CPVL: variants seen among roughly 807,000 people sequenced by gnomAD.
CPVL encodes the protein carboxypeptidase vitellogenic like.
CPVL carries 51 observed loss-of-function variants against 63.7 expected under a neutral mutation model. That is an observed-to-expected ratio of 0.80 (90% confidence interval 0.64 to 1.01). The LOEUF (loss-of-function observed/expected upper bound fraction) is 1.01, where lower values mean the gene tolerates loss of function less well. Among genes scored for constraint, CPVL ranks in the 50% least tolerant of loss-of-function variants. The pLI, the probability that CPVL is intolerant of heterozygous loss-of-function variation, is 0.00. For synonymous variants in CPVL, 195 were observed against 206.0 expected (o/e 0.95, Z 0.46); for missense variants, 530 against 573.1 (o/e 0.92, Z 0.77).
chr7:29,031,345 T>C (rs140236984), intron 11 of CPVL, among the ~76,000 whole-genome samples: 5 of 152,350 alleles, frequency 3.3e-5, no homozygotes, highest in East Asian at 1.9e-4. Context: ...AAAAATATGA[T>C]AGCTGCTTGT....
Position 28,995,810 on chromosome 7 carries a change from A to G in CPVL, c.1393T>C (p.Phe465Leu), listed in dbSNP as rs1258466720. ...PLRAFDMINRFIYGKGWDPYV... is the reference protein window; with the variant it reads ...PLRAFDMINRLIYGKGWDPYV... ...GGATCCCATCCTTTTCCATAAATGAATCGATTAATCATGTCAAAAGCTCTC... is the reference window on the plus strand; with the variant it reads ...GGATCCCATCCTTTTCCATAAATGAGTCGATTAATCATGTCAAAAGCTCTC... The change falls in exon 13 of 13, where the codon TTC becomes CTC. Residue 465 changes from phenylalanine to leucine, a missense_variant. Physicochemically the swap from Phe to Leu is conservative, Grantham distance 22. Coordinates refer to ENST00000265394, the MANE Select transcript of CPVL (RefSeq NM_031311.5). 7.5e-6 allele frequency: 12 copies of G among 1,608,010 alleles called. No individual in the cohort carries two copies. The highest frequency in any genetic ancestry group is 3.4e-4 in the Middle Eastern group (2 of 5,856).
intron 11 of CPVL, among the ~76,000 whole-genome samples, chr7:29,056,242 T>G (rs1448215243): frequency 6.6e-6 from 1 of 152,236 alleles, no homozygotes; most frequent in African/African-American, 2.4e-5. Context: ...GTTGGTGTTA[T>G]GCGGTCCATG....
intron 12 of CPVL, among the ~76,000 whole-genome samples, chr7:29,000,668 C>T (rs79624150): frequency 0.048 from 7,322 of 152,162 alleles, 424 homozygotes; most frequent in East Asian, 0.25. Flanking sequence ...GATGAGTGGA[C>T]CTTATCCTAT....
At chr7:29,048,599 C>T (rs1223574216) in intron 11 of CPVL, among the ~76,000 whole-genome samples, 3 of 152,110 alleles carry the variant, frequency 2.0e-5, no homozygotes, top group African/African-American at 7.2e-5. Context: ...GATTTCAATA[C>T]TCCACTGACA....
chr7:29,016,078 T>C (rs1786375305), intron 12 of CPVL, among the ~76,000 whole-genome samples: 1 of 152,108 alleles, frequency 6.6e-6, no homozygotes, highest in Non-Finnish European at 1.5e-5. Context: ...GTTTCCAGCA[T>C]GGTGGCTCAT....
intron 5 of CPVL, among the ~76,000 whole-genome samples, chr7:29,168,650 A>G (rs1796216328): frequency 6.6e-6 from 1 of 152,214 alleles, no homozygotes; most frequent in Non-Finnish European, 1.5e-5. Context: ...GTATAGGCTG[A>G]AAGCTTTCCC....
chr7:29,112,317 C>T (rs1250567133), intron 3 of CPVL, among the ~76,000 whole-genome samples: 3 of 152,166 alleles, frequency 2.0e-5, no homozygotes, highest in South Asian at 2.1e-4. Flanking sequence ...CCACGCATTA[C>T]CTGTTCACTT....
intron 2 of CPVL, among the ~76,000 whole-genome samples, chr7:29,117,492 T>C (rs1788890213): frequency 1.3e-5 from 2 of 152,200 alleles, no homozygotes; most frequent in South Asian, 4.1e-4. Flanking sequence ...TACCCGACAC[T>C]CTGAAGTCCA....
At chr7:29,030,157 A>T (rs1787886824) in intron 12 of CPVL, among the ~76,000 whole-genome samples, 1 of 152,232 alleles carries the variant, frequency 6.6e-6, no homozygotes, top group Non-Finnish European at 1.5e-5. Flanking sequence ...TGGAAGTTGC[A>T]CTAGGGTGTC....
rs148384487 is a variant in CPVL, at chr7:29,075,066, C to T, written c.610-2643G>A. Among the ~76,000 whole-genome samples the T allele has an allele frequency of 2.0e-3, 306 of 152,222 alleles. 2 individuals are homozygous for T. The highest frequency in any genetic ancestry group is 6.8e-3 in the African/African-American group (284 of 41,550). On this transcript the variant is annotated intron_variant, in intron 7 of 12. Transcript: ENST00000265394. ...GTACAAATGCCAAAAAGTTTATCTT[C>T]CAGTGATATTATCACTCCAATTTTC...
chr7:29,159,915 C>A (rs35826549), intron 5 of CPVL, among the ~76,000 whole-genome samples: 21,931 of 152,112 alleles, frequency 0.14, 1,999 homozygotes, highest in African/African-American at 0.25. Context: ...TGTGGAAGGA[C>A]GTAATTAATT....
At chr7:29,038,077 C>T (rs1352783175) in intron 11 of CPVL, among the ~76,000 whole-genome samples, 1 of 152,140 alleles carries the variant, frequency 6.6e-6, no homozygotes, top group Admixed American at 6.6e-5. Context: ...CTTAAGTTGG[C>T]TGTGTGAGGC....
At chr7:29,098,980 G>A (rs1394512993) in intron 3 of CPVL, among the ~76,000 whole-genome samples, 3 of 152,032 alleles carry the variant, frequency 2.0e-5, no homozygotes, top group South Asian at 2.1e-4. Context: ...CAGGAGAATC[G>A]CTTGAACCCA....
At chr7:29,145,042 A>G (rs746927392) in intron 1 of CPVL, among the ~76,000 whole-genome samples, 23 of 151,774 alleles carry the variant, frequency 1.5e-4, no homozygotes, top group Non-Finnish European at 2.9e-4. Context: ...CCCTGTACTT[A>G]GACTAGCATG....
chr7:29,137,750 A>G (rs1410825208), intron 1 of CPVL, among the ~76,000 whole-genome samples: 1 of 152,234 alleles, frequency 6.6e-6, no homozygotes, highest in Non-Finnish European at 1.5e-5. Context: ...ATTTCTTCTT[A>G]ACGCCTATAT....
At chr7:29,114,747 C>T (rs541739453) in intron 2 of CPVL, among the ~76,000 whole-genome samples, 1 of 152,322 alleles carries the variant, frequency 6.6e-6, no homozygotes, top group Non-Finnish European at 1.5e-5. Flanking sequence ...ACCATACAGG[C>T]ATTTAACCTC....
At chr7:29,069,383 G>A (rs1384507731) in intron 9 of CPVL, among the ~76,000 whole-genome samples, 1 of 148,780 alleles carries the variant, frequency 6.7e-6, no homozygotes, top group Admixed American at 6.8e-5. Context: ...GGAGGTTGCA[G>A]TGAGCTGAGA....
At chr7:29,015,724 G>A (rs28657579) in intron 12 of CPVL, among the ~76,000 whole-genome samples, 14,466 of 152,126 alleles carry the variant, frequency 0.095, 898 homozygotes, top group Non-Finnish European at 0.14. Flanking sequence ...GCCTAGATCC[G>A]GCTACAGTTC....
rs574957998 is a variant in CPVL, at chr7:29,086,300, A to T, written c.609+184T>A. 2.6e-3 allele frequency among the ~76,000 whole-genome samples: 330 copies of T among 124,884 alleles called. 1 individual carries two copies. The highest frequency in any genetic ancestry group is 6.0e-3 in the African/African-American group (234 of 38,890). 81.9% of individuals were successfully genotyped at this position (124,884 alleles called of 152,430 possible). A position where few individuals can be genotyped will look rare whatever the true frequency, so the allele number is the denominator to read the frequency against. On this transcript the variant is annotated intron_variant, in intron 7 of 12. Coordinates refer to ENST00000265394, the MANE Select transcript of CPVL (RefSeq NM_031311.5). ...AAGAGCAAAACTCCAACTAAAAAAA[A>T]ATATATATATATATGAAGGGCATTT...
Sources: allele counts gnomAD v4.1 joint callset (sites outside exome capture counted in the v4.1 genomes callset), GRCh38; gene constraint gnomAD v4.1.1; transcripts MANE v1.5; gene names NCBI Gene and HGNC (gene_info 2026-07-23, HGNC 2026-07-21).